Variants in RABL6 observed in about 807,000 individuals in gnomAD.
The protein encoded by RABL6 is rab-like protein 6.
RABL6 carries 28 observed loss-of-function variants against 72.9 expected under a neutral mutation model. The observed-to-expected ratio is 0.38, with a 90% CI of 0.28 to 0.53. RABL6 has a LOEUF of 0.53. Ranked by LOEUF, RABL6 falls within the 20% of genes least tolerant of loss-of-function variation. The probability of loss-of-function intolerance (pLI) is 0.80; values close to 1 mark genes in which losing one functional copy is unlikely to be tolerated. For synonymous variants in RABL6, 477 were observed against 421.2 expected (o/e 1.13, Z -1.62); for missense variants, 1,029 against 1,008.4 (o/e 1.02, Z -0.28).
chr9:136,832,210 C>T (rs1009623160), intron 6 of RABL6, 55 bp from the exon 7 acceptor site: 27 of 1,524,380 alleles, frequency 1.8e-5, no homozygotes, highest in Non-Finnish European at 2.4e-5. Context: ...AGGGGTGATC[C>T]TTGGCACCAG....
At chr9:136,813,439 C>T (rs1167987050) in intron 1 of RABL6, 4 of 628,606 alleles carry the variant, frequency 6.4e-6, no homozygotes, top group African/African-American at 3.7e-5. Flanking sequence ...TCTCTCTAGT[C>T]TTGATTTAGA....
In RABL6 at chr9:136,835,855, C is replaced by G. The variant is rs145045155; in HGVS notation, c.809+10C>G. The G allele has an allele frequency of 1.9e-3, 2,967 of 1,549,708 alleles. 68 individuals are homozygous for G. In the East Asian group the frequency reaches 0.05, roughly 26 times the overall value. On this transcript the variant is annotated intron_variant, in intron 8 of 14. Coordinates refer to ENST00000311502, the MANE Select transcript of RABL6 (RefSeq NM_024718.5). ...ACCAGAACTACGGCATGTATGTGGC[C>G]GGACCCGCCCGTGCGGGCGGTGTGG...
At chr9:136,833,853 T>G in intron 7 of RABL6, 7 of 1,550,538 alleles carry the variant, frequency 4.5e-6, no homozygotes, top group South Asian at 1.2e-5. Context: ...ACTTGTCCTG[T>G]GCCGGCACTG....
intron 1 of RABL6, chr9:136,808,917 G>A (rs761831118): frequency 5.9e-5 from 9 of 152,196 alleles, no homozygotes; most frequent in Non-Finnish European, 2.9e-5. Context: ...GCGACTGTAG[G>A]AGACATCCCA....
chr9:136,825,415 C>T (rs13284186), intron 2 of RABL6, among the ~76,000 whole-genome samples: 4 of 61,578 alleles, frequency 6.5e-5, no homozygotes, highest in Admixed American at 4.5e-4. Context: ...GATCGGGGCC[C>T]GGGAGGGAGG....
chr9:136,824,859 C>G (rs1848319376), intron 2 of RABL6, among the ~76,000 whole-genome samples: 1 of 152,228 alleles, frequency 6.6e-6, no homozygotes, highest in Admixed American at 6.5e-5. Context: ...GAAGCTCTAC[C>G]TGCCACCGCA....
intron 1 of RABL6, chr9:136,813,918 C>A: frequency 3.1e-6 from 1 of 326,982 alleles, no homozygotes; most frequent in East Asian, 1.1e-4. Context: ...CCACTGCGCC[C>A]AGCCAAAACA....
intron 1 of RABL6, chr9:136,815,140 A>G: frequency 3.3e-6 from 1 of 304,152 alleles, no homozygotes; most frequent in South Asian, 2.9e-5. Flanking sequence ...GTTCAGAGTC[A>G]TCCTCCTCCT....
intron 1 of RABL6, among the ~76,000 whole-genome samples, chr9:136,817,553 A>T (rs138041372): frequency 2.1e-3 from 36 of 17,084 alleles, no homozygotes; most frequent in South Asian, 6.9e-3. Flanking sequence ...ACGTGGGCTG[A>T]GGGGAGGCCG....
chr9:136,811,547 G>C (rs1383765256), intron 1 of RABL6, among the ~76,000 whole-genome samples: 1 of 151,758 alleles, frequency 6.6e-6, no homozygotes, highest in Non-Finnish European at 1.5e-5. Context: ...GAGCCCAAGT[G>C]GCAGAAGTTA....
chr9:136,821,714 C>A lies in RABL6; in HGVS notation c.131-1811C>A, dbSNP rs1477664876. The A allele has an allele frequency of 8.8e-6, 9 of 1,026,384 alleles. No individual in the cohort carries two copies. The East Asian group carries it at 4.5e-4, about 51-fold the overall frequency. The allele number at this position is 1,026,384 out of a possible 1,614,324, so 63.6% of individuals were successfully genotyped here. A position where few individuals can be genotyped will look rare whatever the true frequency, so the allele number is the denominator to read the frequency against. ...TGGCTGCGCTGAGCGCCTGCGGCTC[C>A]GCTTGGGGCTGCTGTGCTCTCCACA... is the stretch of plus-strand genomic sequence containing the variant. On this transcript the variant is annotated intron_variant, in intron 1 of 14. Transcript: ENST00000311502.
chr9:136,834,337 A>G (rs1848544129), intron 7 of RABL6: 1 of 1,002,652 alleles, frequency 1.0e-6, no homozygotes, highest in South Asian at 4.6e-5. Context: ...ATTCCCAAAG[A>G]GTTCTTCCAG....
chr9:136,828,588 C>T (rs749933610), intron 4 of RABL6, 42 bp downstream of exon 4: 257 of 1,599,050 alleles, frequency 1.6e-4, no homozygotes, highest in Non-Finnish European at 1.3e-4. Context: ...GCTCAGGGCC[C>T]CGGGGTGCGT....
At chr9:136,835,036 G>A (rs1172088408) in intron 7 of RABL6, 1 of 151,894 alleles carries the variant, frequency 6.6e-6, no homozygotes, top group East Asian at 1.9e-4. Flanking sequence ...GGCCAAGCTG[G>A]GAGGATCACT....
At chr9:136,815,466 T>C (rs1047833151) in intron 1 of RABL6, 7 of 274,640 alleles carry the variant, frequency 2.5e-5, no homozygotes, top group Non-Finnish European at 3.5e-5. Flanking sequence ...ACTTCCTCCT[T>C]CTGCCTCCTT....
In RABL6 at chr9:136,815,107, C is replaced by T. The variant is rs189390800; in HGVS notation, c.130+6781C>T. 145 of 235,216 alleles carry T rather than the reference C, an allele frequency of 6.2e-4. 1 individual carries two copies. The East Asian group carries it at 0.015, about 24-fold the overall frequency. The allele number at this position is 235,216 out of a possible 1,614,324, so 14.6% of individuals were successfully genotyped here. A position where few individuals can be genotyped will look rare whatever the true frequency, so the allele number is the denominator to read the frequency against. Reference sequence around the variant, plus strand: ...CCTCATCCCCTGAGGCAGGGGCACCCGCTGCTGCCTTCATCACTGCTGGTT... The same window carrying T: ...CCTCATCCCCTGAGGCAGGGGCACCTGCTGCTGCCTTCATCACTGCTGGTT... On this transcript the variant is annotated intron_variant, in intron 1 of 14. Transcript: ENST00000311502.
chr9:136,818,502 G>A (rs1017107799), intron 1 of RABL6, among the ~76,000 whole-genome samples: 5 of 151,824 alleles, frequency 3.3e-5, no homozygotes, highest in African/African-American at 1.2e-4. Flanking sequence ...CCAACACTTT[G>A]GGAGGCCAAG....
At position 136,823,606 on chromosome 9, in the gene RABL6, A is replaced by G. The variant is rs767826857; in HGVS notation, c.212A>G (p.Glu71Gly). The G allele has an allele frequency of 1.9e-6, 3 of 1,613,600 alleles. No homozygotes were observed. In the African/African-American group the frequency reaches 4.0e-5, roughly 22 times the overall value. ...HRLQGRPFVE[E>G]YIPTQEIQVT... ...CTGCAGGGCCGGCCGTTCGTGGAGG[A>G]GTACATCCCCACACAGGAGATCCAG... The change falls in exon 2 of 15, where the codon GAG becomes GGG. Residue 71 changes from glutamate (E) to glycine (G), a missense_variant. Around this residue, in one of 2 missense-constraint regions of RABL6, gnomAD observed 434 missense variants for 536.1 expected, o/e 0.81. Transcript: ENST00000311502.
At position 136,835,463 on chromosome 9, in the gene RABL6, G is replaced by A. The variant is rs1016273639; in HGVS notation, c.706-279G>A. 1.1e-4 allele frequency: 43 copies of A among 387,802 alleles called. No homozygotes were observed. In the East Asian group the frequency reaches 1.9e-3, roughly 17 times the overall value. 24.0% of individuals were successfully genotyped at this position (387,802 alleles called of 1,614,324 possible). A position where few individuals can be genotyped will look rare whatever the true frequency, so the allele number is the denominator to read the frequency against. On this transcript the variant is annotated intron_variant, in intron 7 of 14. Coordinates refer to ENST00000311502, the MANE Select transcript of RABL6 (RefSeq NM_024718.5). ...CTTAGAGGTGCGTGTGTGGGTGGGGGTGCTTGCTGTTGAGGTTTATGCCTG... is the reference window on the plus strand; with the variant it reads ...CTTAGAGGTGCGTGTGTGGGTGGGGATGCTTGCTGTTGAGGTTTATGCCTG...
Sources: gnomAD v4.1 joint callset for allele counts (sites outside exome capture counted in the v4.1 genomes callset) on GRCh38, gnomAD v4.1.1 for gene constraint, gnomAD v4.1.1 regional missense constraint, MANE v1.5 for transcripts, NCBI Gene and HGNC (gene_info 2026-07-23, HGNC 2026-07-21) for gene names.